The following CUL3 variants were observed in gnomAD, a reference collection of about 807,000 sequenced individuals.
CUL3 encodes cullin-3.
CUL3 carries 19 observed loss-of-function variants against 89.1 expected under a neutral mutation model. That is an observed-to-expected ratio of 0.21 (90% confidence interval 0.15 to 0.31). CUL3 has a LOEUF of 0.31. Ranked by LOEUF, CUL3 falls within the 10% of genes least tolerant of loss-of-function variation. The pLI is 1.00. For synonymous variants in CUL3, 351 were observed against 308.4 expected, an observed-to-expected ratio of 1.14 and a Z score of -1.45; for missense variants, 469 against 942.3, an observed-to-expected ratio of 0.50 and a Z score of 6.58.
chr2:224,563,183 G>C, intron 1 of CUL3: 1 of 463,654 alleles, frequency 2.2e-6, no homozygotes, highest in Non-Finnish European at 4.5e-6. Flanking sequence ...ATAACACTAT[G>C]ATAAATGCAC....
chr2:224,582,046 C>T (rs560243975), intron 1 of CUL3, among the ~76,000 whole-genome samples: 2 of 152,160 alleles, frequency 1.3e-5, no homozygotes, highest in South Asian at 4.1e-4. Context: ...CTCACTGCAA[C>T]CTCGGCCTTA....
At chr2:224,540,674 GCTT>G (rs904830609) in intron 2 of CUL3, among the ~76,000 whole-genome samples, 2 of 152,064 alleles carry the variant, frequency 1.3e-5, no homozygotes, top group Admixed American at 1.3e-4. Flanking sequence ...TCTGAGTCCT[GCTT>G]TTTTCTTCTA....
intron 15 of CUL3, among the ~76,000 whole-genome samples, chr2:224,476,456 G>GT (rs1691326784): frequency 6.6e-6 from 1 of 152,156 alleles, no homozygotes; most frequent in African/African-American, 2.4e-5. Context: ...TCTTCGACAA[G>GT]TATTATTTCA....
intron 14 of CUL3, among the ~76,000 whole-genome samples, chr2:224,480,419 T>C (rs1348216336): frequency 3.3e-5 from 5 of 152,264 alleles, no homozygotes; most frequent in Middle Eastern, 3.4e-3. Flanking sequence ...GAAAAAAACA[T>C]TGCTTTGTAG....
chr2:224,517,899 A>G (rs113287755), intron 3 of CUL3, among the ~76,000 whole-genome samples: 99 of 152,320 alleles, frequency 6.5e-4, no homozygotes, highest in African/African-American at 2.3e-3. Context: ...CAAAGCATCC[A>G]ATCTAGCTTG....
chr2:224,495,092 G>A (rs1692117497), intron 13 of CUL3: 1 of 150,896 alleles, frequency 6.6e-6, no homozygotes, highest in South Asian at 2.1e-4. Flanking sequence ...TATATCAGTG[G>A]CATATTAACA....
chr2:224,525,902 T>C (rs919632312), intron 3 of CUL3, among the ~76,000 whole-genome samples: 3 of 152,252 alleles, frequency 2.0e-5, no homozygotes, highest in Non-Finnish European at 2.9e-5. Flanking sequence ...GGCTCTAACA[T>C]TTAAAATAAT....
chr2:224,535,763 T>C, intron 2 of CUL3, 122 bp from the exon 3 acceptor site: 1 of 677,516 alleles, frequency 1.5e-6, no homozygotes, highest in South Asian at 1.6e-5. Context: ...AAAGAAATGT[T>C]ATAGGCTAGT....
At chr2:224,548,239 A>C (rs1411897580) in intron 2 of CUL3, among the ~76,000 whole-genome samples, 1 of 152,260 alleles carries the variant, frequency 6.6e-6, no homozygotes. Flanking sequence ...CGTAACTTCC[A>C]CAAAGGCAGG....
chr2:224,474,006 C>T lies in CUL3; in HGVS notation c.*239G>A. On this transcript the variant is annotated 3_prime_UTR_variant, in exon 16 of 16. Transcript: ENST00000264414. ...TAAAGAAAACAAAACGCAGCACATT[C>T]ACATTTTCCCGAGGAACTGTAAAGA... 1 of 331,720 alleles carries T rather than the reference C, an allele frequency of 3.0e-6. No individual in the cohort carries two copies. Among genetic ancestry groups the T allele is most frequent in the East Asian group, 4.4e-5 (1 of 22,728 alleles). 20.5% of individuals were successfully genotyped at this position (331,720 alleles called of 1,614,324 possible). A position where few individuals can be genotyped will look rare whatever the true frequency, so the allele number is the denominator to read the frequency against.
intron 13 of CUL3, among the ~76,000 whole-genome samples, chr2:224,490,148 G>A (rs959861013): frequency 3.3e-5 from 5 of 152,194 alleles, no homozygotes; most frequent in African/African-American, 2.4e-5. Flanking sequence ...ACCACAATGA[G>A]ATACCATCTC....
intron 1 of CUL3, chr2:224,563,045 G>A (rs1388850553): frequency 5.7e-6 from 2 of 353,094 alleles, no homozygotes; most frequent in Non-Finnish European, 1.1e-5. Context: ...CATCAACAAA[G>A]GAAAGTGCCC....
intron 2 of CUL3, among the ~76,000 whole-genome samples, chr2:224,545,931 A>T (rs1264937666): frequency 2.6e-5 from 4 of 152,212 alleles, no homozygotes; most frequent in Non-Finnish European, 5.9e-5. Context: ...TGACATTTTT[A>T]AAAAAGGCAT....
chr2:224,508,505 G>A (rs926379064), intron 6 of CUL3, among the ~76,000 whole-genome samples: 1 of 152,064 alleles, frequency 6.6e-6, no homozygotes, highest in Non-Finnish European at 1.5e-5. Context: ...CTATGTTGTT[G>A]TAAGTTTTGC....
At chr2:224,501,369 A>G (rs1004172096) in intron 10 of CUL3, among the ~76,000 whole-genome samples, 2 of 152,204 alleles carry the variant, frequency 1.3e-5, no homozygotes, top group Admixed American at 6.5e-5. Context: ...ATGAATAACT[A>G]CTTCTATGCT....
rs774148420 is a variant in CUL3, at chr2:224,474,400, T to C, written c.2176-24A>G. On this transcript the variant is annotated intron_variant, in intron 15 of 15. Coordinates refer to ENST00000264414, the MANE Select transcript of CUL3 (RefSeq NM_003590.5). ...ACCTAAAAAAGAAAGTAGATAGTAT[T>C]TTTATATAAACACATAAAAATTCGT... is the stretch of plus-strand genomic sequence containing the variant. 5 of 1,603,668 alleles carry C rather than the reference T, an allele frequency of 3.1e-6. No individual in the cohort carries two copies. The Admixed American group carries it at 6.8e-5, about 22-fold the overall frequency.
At chr2:224,537,381 AG>A (rs1359953766) in intron 2 of CUL3, among the ~76,000 whole-genome samples, 1 of 152,204 alleles carries the variant, frequency 6.6e-6, no homozygotes, top group African/African-American at 2.4e-5. Flanking sequence ...CACATAATTT[AG>A]AATTTTATCA....
chr2:224,491,255 C>A (rs1691965048), intron 13 of CUL3, among the ~76,000 whole-genome samples: 1 of 152,092 alleles, frequency 6.6e-6, no homozygotes, highest in Admixed American at 6.6e-5. Flanking sequence ...GTAATTCTCC[C>A]ATTTGGGTAC....
At chr2:224,579,105 G>A (rs1334138081) in intron 1 of CUL3, among the ~76,000 whole-genome samples, 1 of 152,100 alleles carries the variant, frequency 6.6e-6, no homozygotes, top group African/African-American at 2.4e-5. Flanking sequence ...CCTCTGAACT[G>A]CTATCTAGAA....
Sources: allele counts gnomAD v4.1 joint callset (sites outside exome capture counted in the v4.1 genomes callset), GRCh38; gene constraint gnomAD v4.1.1; transcripts MANE v1.5; gene names NCBI Gene and HGNC (gene_info 2026-07-23, HGNC 2026-07-21).